RBFOX1: variants seen among roughly 807,000 people sequenced by gnomAD.
RBFOX1 encodes RNA binding fox-1 homolog 1, also known as RNA binding protein fox-1 homolog 1.
Under a neutral mutation model 57.7 loss-of-function variants are expected in RBFOX1, and 8 were observed. That is an observed-to-expected ratio of 0.14 (90% confidence interval 0.08 to 0.25). RBFOX1 has a LOEUF of 0.25. Ranked by LOEUF, RBFOX1 falls within the 10% of genes least tolerant of loss-of-function variation. The probability of loss-of-function intolerance (pLI) is 1.00; values close to 1 mark genes in which losing one functional copy is unlikely to be tolerated. For synonymous variants in RBFOX1, 326 were observed against 222.4 expected, an observed-to-expected ratio of 1.47 and a Z score of -4.15; for missense variants, 611 against 548.5, an observed-to-expected ratio of 1.11 and a Z score of -1.14.
chr16:6,430,767 A>G (rs1339745909), intron 2 of RBFOX1, among the ~76,000 whole-genome samples: 1 of 152,102 alleles, frequency 6.6e-6, no homozygotes. Context: ...TGCATTTTAG[A>G]AAGGCCACTC....
intron 3 of RBFOX1, among the ~76,000 whole-genome samples, chr16:5,632,236 A>G (rs1267344537): frequency 6.6e-6 from 1 of 152,230 alleles, no homozygotes; most frequent in Non-Finnish European, 1.5e-5. Flanking sequence ...GTCATGAGAC[A>G]ACTAGCCACA....
At chr16:6,879,559 T>C (rs17141631) in intron 3 of RBFOX1, among the ~76,000 whole-genome samples, 2,716 of 152,348 alleles carry the variant, frequency 0.018, 45 homozygotes, top group African/African-American at 0.023. Context: ...TACAGGTAGA[T>C]TCAACATAAG....
At chr16:6,786,142 A>G (rs907576879) in intron 3 of RBFOX1, among the ~76,000 whole-genome samples, 2 of 152,134 alleles carry the variant, frequency 1.3e-5, no homozygotes, top group African/African-American at 4.8e-5. Context: ...GTCCCCCTAA[A>G]TGAATGGAGT....
chr16:5,864,141 G>A (rs1293411259), intron 3 of RBFOX1, among the ~76,000 whole-genome samples: 1 of 152,054 alleles, frequency 6.6e-6, no homozygotes, highest in Admixed American at 6.5e-5. Flanking sequence ...ACTTCTAGGT[G>A]AGGATATGCA....
At chr16:6,164,228 T>G (rs1326778576) in intron 1 of RBFOX1, among the ~76,000 whole-genome samples, 2 of 152,206 alleles carry the variant, frequency 1.3e-5, no homozygotes, top group African/African-American at 4.8e-5. Context: ...CAGGCAGATA[T>G]TTGTACTTCT....
intron 2 of RBFOX1, among the ~76,000 whole-genome samples, chr16:5,542,711 T>C (rs2045012203): frequency 6.6e-6 from 1 of 152,194 alleles, no homozygotes; most frequent in African/African-American, 2.4e-5. Context: ...AACTGTCAGT[T>C]TGAAATACTA....
intron 3 of RBFOX1, among the ~76,000 whole-genome samples, chr16:6,828,585 G>A (rs1030935951): frequency 5.9e-5 from 9 of 151,768 alleles, no homozygotes; most frequent in African/African-American, 2.2e-4. Context: ...ATCAGATCCT[G>A]AAAAACCGGG....
chr16:7,585,454 T>C (rs571324990), intron 6 of RBFOX1, among the ~76,000 whole-genome samples: 1 of 152,334 alleles, frequency 6.6e-6, no homozygotes, highest in East Asian at 1.9e-4. Flanking sequence ...CCTTTCCATG[T>C]TCTCTTCTGA....
At chr16:7,319,425 C>T (rs1295847924) in intron 4 of RBFOX1, among the ~76,000 whole-genome samples, 2 of 152,052 alleles carry the variant, frequency 1.3e-5, no homozygotes, top group African/African-American at 4.8e-5. Context: ...TCTTGTCTGC[C>T]AAACATTATT....
chr16:7,676,480 C>A (rs1367224558), intron 13 of RBFOX1, among the ~76,000 whole-genome samples: 1 of 152,172 alleles, frequency 6.6e-6, no homozygotes, highest in African/African-American at 2.4e-5. Context: ...ATAATCCTCT[C>A]CACCCCAAGA....
chr16:5,408,330 G>A (rs1211140975), intron 1 of RBFOX1, among the ~76,000 whole-genome samples: 1 of 152,172 alleles, frequency 6.6e-6, no homozygotes, highest in Admixed American at 6.5e-5. Context: ...TCCCAATTTC[G>A]TGTTATATGA....
chr16:7,261,194 T>C lies in RBFOX1; in HGVS notation c.27+209096T>C, dbSNP rs367785428. 1.5e-4 allele frequency among the ~76,000 whole-genome samples: 23 copies of C among 152,274 alleles called. No homozygotes were observed. In the East Asian group the frequency reaches 2.1e-3, roughly 14 times the overall value. ...TCTTGCTTGTTTTGGCTGTGTGAAT[T>C]TGGGTAAGTCACTTAGCTTCTCTGA... On this transcript the variant is annotated intron_variant, in intron 4 of 15. Coordinates refer to ENST00000550418, the MANE Select transcript of RBFOX1 (RefSeq NM_018723.4).
intron 2 of RBFOX1, among the ~76,000 whole-genome samples, chr16:6,633,728 G>A (rs939922406): frequency 6.6e-6 from 1 of 152,174 alleles, no homozygotes; most frequent in Non-Finnish European, 1.5e-5. Context: ...CGAGGCTCTA[G>A]CCAGGCGCTG....
At chr16:7,543,394 C>T (rs987487192) in intron 5 of RBFOX1, among the ~76,000 whole-genome samples, 3 of 152,128 alleles carry the variant, frequency 2.0e-5, no homozygotes, top group African/African-American at 2.4e-5. Context: ...TGGTAATGAT[C>T]ATGGAGATGC....
At chr16:5,671,660 G>A (rs1479033559) in intron 3 of RBFOX1, among the ~76,000 whole-genome samples, 2 of 152,168 alleles carry the variant, frequency 1.3e-5, no homozygotes, top group African/African-American at 4.8e-5. Context: ...AGTTTGATGG[G>A]CAAGTGATCA....
chr16:7,308,831 C>T (rs2096250505), intron 4 of RBFOX1, among the ~76,000 whole-genome samples: 1 of 152,188 alleles, frequency 6.6e-6, no homozygotes, highest in African/African-American at 2.4e-5. Flanking sequence ...ATTTTGGAAA[C>T]ATTAGGTAGG....
At chr16:6,439,635 T>G (rs770160767) in intron 2 of RBFOX1, among the ~76,000 whole-genome samples, 1 of 152,156 alleles carries the variant, frequency 6.6e-6, no homozygotes, top group Non-Finnish European at 1.5e-5. Flanking sequence ...CGAACCACTA[T>G]TCTCTCCTGT....
intron 3 of RBFOX1, among the ~76,000 whole-genome samples, chr16:6,656,300 G>T (rs1179762708): frequency 6.6e-6 from 1 of 152,114 alleles, no homozygotes; most frequent in African/African-American, 2.4e-5. Context: ...GTTTTGTCCG[G>T]TATCTTTTTT....
At chr16:7,060,705 C>T (rs116805634) in intron 4 of RBFOX1, among the ~76,000 whole-genome samples, 2,669 of 152,204 alleles carry the variant, frequency 0.018, 82 homozygotes, top group African/African-American at 0.06. Flanking sequence ...TCTGGGACTC[C>T]CCAAGGAGGG....
Sources: allele counts gnomAD v4.1 joint callset (sites outside exome capture counted in the v4.1 genomes callset), GRCh38; gene constraint gnomAD v4.1.1; transcripts MANE v1.5; gene names NCBI Gene and HGNC (gene_info 2026-07-23, HGNC 2026-07-21).